The following TUB variants were observed in gnomAD, a reference collection of about 807,000 sequenced individuals.
TUB encodes the protein tubby protein homolog.
A neutral mutation model predicts 59.7 loss-of-function variants in TUB; 33 were observed. The ratio of observed to expected loss-of-function variants is 0.55; its 90% CI spans 0.42 to 0.74. The LOEUF (loss-of-function observed/expected upper bound fraction) is 0.74. TUB is among the 30% of genes least tolerant of loss of function. The probability of loss-of-function intolerance (pLI) is 0.00; values close to 1 mark genes in which losing one functional copy is unlikely to be tolerated. For missense variants in TUB, 659 were observed against 672.0 expected, an observed-to-expected ratio of 0.98 and a Z score of 0.21; for synonymous variants, 293 against 256.4, an observed-to-expected ratio of 1.14 and a Z score of -1.36.
chr11:8,035,310 G>C (rs1429696913), upstream of TUB: 1 of 152,262 alleles, frequency 6.6e-6, no homozygotes, highest in East Asian at 1.9e-4. Flanking sequence ...ATCATGGACA[G>C]TTTTGCTTTG....
At chr11:8,074,585 T>A (rs1337043888) in intron 2 of TUB, among the ~76,000 whole-genome samples, 3 of 151,806 alleles carry the variant, frequency 2.0e-5, no homozygotes, top group African/African-American at 4.8e-5. Context: ...AAAGATTTTT[T>A]AAAATTAGCC....
chr11:8,100,694 GA>G, intron 10 of TUB, 93 bp downstream of exon 10: 2 of 1,482,872 alleles, frequency 1.3e-6, no homozygotes, highest in Non-Finnish European at 1.8e-6. Context: ...TGTGTATGTG[GA>G]GGGGTACCAT....
At chr11:8,021,377 G>A (rs1311545936) in intron 1 of TUB, among the ~76,000 whole-genome samples, 1 of 151,620 alleles carries the variant, frequency 6.6e-6, no homozygotes, top group Non-Finnish European at 1.5e-5. Context: ...GGCTGAGGCT[G>A]GAGGATTGCT....
Position 8,101,885 on chromosome 11 carries a change from T to G in TUB, c.*266T>G, listed in dbSNP as rs900940671. ...CGAGATCAACACACACTCCCACCCT[T>G]GGGGTAGTAGTGTGTTGTAGTCGTA... On this transcript the variant is annotated 3_prime_UTR_variant, in exon 12 of 12. Transcript: ENST00000299506. 3.9e-6 allele frequency: 2 copies of G among 506,552 alleles called. No individual in the cohort carries two copies. The highest frequency in any genetic ancestry group is 1.9e-5 in the African/African-American group (1 of 51,952). 31.4% of individuals were successfully genotyped at this position (506,552 alleles called of 1,614,324 possible). A position where few individuals can be genotyped will look rare whatever the true frequency, so the allele number is the denominator to read the frequency against.
intron 11 of TUB, 108 bp from the exon 12 acceptor site, chr11:8,101,378 C>A: frequency 7.2e-7 from 1 of 1,394,834 alleles, no homozygotes; most frequent in Non-Finnish European, 1.0e-6. Context: ...GGCATCTCTG[C>A]TTCTCACTTG....
At chr11:8,021,874 C>T (rs1483392875) in intron 1 of TUB, among the ~76,000 whole-genome samples, 1 of 150,882 alleles carries the variant, frequency 6.6e-6, no homozygotes, top group Non-Finnish European at 1.5e-5. Flanking sequence ...CGAGATCACG[C>T]CACTGGACTC....
Position 8,090,155 on chromosome 11 carries a change from G to A in TUB, c.177G>A (p.Arg59=). 8 of 1,613,516 alleles carry A rather than the reference G, an allele frequency of 5.0e-6. No individual in the cohort carries two copies. Among genetic ancestry groups the A allele is most frequent in the Non-Finnish European group, 5.9e-6 (7 of 1,179,884 alleles). ...QANADGRPRS[R]RARQSEEQAP... ...ATGCAGATGGGCGGCCCCGGAGCCG[G>A]CGGGCCCGGCAGTCAGAGGAACAAG... The change falls in exon 3 of 12, where the codon CGG becomes CGA. Residue 59 remains arginine, a synonymous_variant. Transcript: ENST00000299506.
intron 9 of TUB, among the ~76,000 whole-genome samples, chr11:8,099,368 A>G (rs1188772957): frequency 3.3e-5 from 5 of 152,094 alleles, no homozygotes; most frequent in Non-Finnish European, 5.9e-5. Context: ...GGATTACTCT[A>G]CCCCTTTGAA....
intron 2 of TUB, among the ~76,000 whole-genome samples, chr11:8,045,931 G>T (rs764207541): frequency 6.6e-6 from 1 of 152,134 alleles, no homozygotes; most frequent in African/African-American, 2.4e-5. Context: ...CCACCCTTCT[G>T]TGAATTTCTG....
At chr11:8,094,018 T>C (rs1252651315) in intron 3 of TUB, 28 bp from the exon 4 acceptor site, 4 of 1,614,000 alleles carry the variant, frequency 2.5e-6, no homozygotes, top group East Asian at 2.2e-5. Flanking sequence ...TGTTTCTCTC[T>C]CTCCATCTGG....
chr11:8,058,854 A>G (rs967743227), intron 2 of TUB, among the ~76,000 whole-genome samples: 3 of 152,382 alleles, frequency 2.0e-5, no homozygotes, highest in East Asian at 1.9e-4. Flanking sequence ...TCATCTGGCT[A>G]TATGGAATTT....
chr11:8,041,352 A>G (rs940766100), intron 2 of TUB, among the ~76,000 whole-genome samples: 5 of 152,170 alleles, frequency 3.3e-5, no homozygotes, highest in Non-Finnish European at 7.3e-5. Context: ...GGCTGTAAGT[A>G]GGGAGATGAG....
intron 3 of TUB, among the ~76,000 whole-genome samples, chr11:8,093,624 C>G (rs558599465): frequency 6.6e-6 from 1 of 152,274 alleles, no homozygotes; most frequent in Non-Finnish European, 1.5e-5. Context: ...TCGTAGGCTC[C>G]CTGGAGTGCT....
At chr11:8,063,501 A>G (rs1321822460) in intron 2 of TUB, among the ~76,000 whole-genome samples, 1 of 152,180 alleles carries the variant, frequency 6.6e-6, no homozygotes, top group African/African-American at 2.4e-5. Context: ...TGCCGGCCCA[A>G]GGATGCACAT....
At chr11:8,033,688 C>A (rs1349343172), upstream of TUB, among the ~76,000 whole-genome samples, 4 of 152,256 alleles carry the variant, frequency 2.6e-5, no homozygotes, top group South Asian at 4.1e-4. Context: ...GCAGAGATGG[C>A]AGAGGTGTTT....
chr11:8,074,143 C>T (rs1167572122), intron 2 of TUB, among the ~76,000 whole-genome samples: 1 of 151,152 alleles, frequency 6.6e-6, no homozygotes, highest in Admixed American at 6.6e-5. Context: ...GTGTGTTTAT[C>T]GTCTGTCTTC....
chr11:8,062,580 C>A (rs1943153051), intron 2 of TUB, among the ~76,000 whole-genome samples: 1 of 151,970 alleles, frequency 6.6e-6, no homozygotes, highest in Non-Finnish European at 1.5e-5. Flanking sequence ...GCTGCTGGCT[C>A]ATGATAAGAG....
intron 1 of TUB, among the ~76,000 whole-genome samples, chr11:8,083,998 A>C (rs1003748004): frequency 6.6e-6 from 1 of 152,190 alleles, no homozygotes; most frequent in Non-Finnish European, 1.5e-5. Context: ...ATCACAGAGA[A>C]AACTGGGGCA....
intron 1 of TUB, among the ~76,000 whole-genome samples, chr11:8,033,027 G>C (rs1213043969): frequency 6.6e-6 from 1 of 152,130 alleles, no homozygotes; most frequent in Non-Finnish European, 1.5e-5. Flanking sequence ...ACAGTGCTGA[G>C]GTCCCGATAG....
Sources: gnomAD v4.1 joint callset for allele counts (sites outside exome capture counted in the v4.1 genomes callset) on GRCh38, gnomAD v4.1.1 for gene constraint, MANE v1.5 for transcripts, NCBI Gene and HGNC (gene_info 2026-07-23, HGNC 2026-07-21) for gene names.